The following COL11A2 variants were observed in gnomAD, a reference collection of about 807,000 sequenced individuals.
COL11A2 encodes collagen alpha-2(XI) chain.
COL11A2 carries 116 observed loss-of-function variants against 273.4 expected under a neutral mutation model. That is an observed-to-expected ratio of 0.42 (90% CI 0.36 to 0.49). The LOEUF (loss-of-function observed/expected upper bound fraction) is 0.49, where lower values mean the gene tolerates loss of function less well. Among genes scored for constraint, COL11A2 ranks in the 20% least tolerant of loss-of-function variants. COL11A2 has a pLI of 0.00. For missense variants in COL11A2, 1,866 were observed against 2,309.0 expected (o/e 0.81, Z 3.93); for synonymous variants, 782 against 864.2 (o/e 0.90, Z 1.67).
At position 33,177,161 on chromosome 6, in the gene COL11A2, C is replaced by T; in HGVS notation, c.2016+20G>A. ...TCCCCACTCTAAACCCCCTGTCCTC[C>T]AAATCACTTAGTCACTTACCTTCTC... is the stretch of plus-strand genomic sequence containing the variant. On this transcript the variant is annotated intron_variant, in intron 24 of 65. Transcript: ENST00000341947. This position sits in a 1 kb window ranked among gnomAD's most constrained non-coding sequence, Gnocchi z 5.9. 6.2e-7 allele frequency: 1 copy of T among 1,613,000 alleles called. No homozygotes were observed. Among genetic ancestry groups the T allele is most frequent in the Middle Eastern group, 1.6e-4 (1 of 6,062 alleles).
At chr6:33,185,799 T>C in intron 5 of COL11A2, 21 bp from the exon 6 acceptor site, 1 of 974,822 alleles carries the variant, frequency 1.0e-6, no homozygotes, top group African/African-American at 1.9e-5. Flanking sequence ...GGGGTGGGCA[T>C]AGACAGGAAG....
chr6:33,165,057 C>G lies in COL11A2; in HGVS notation c.4751-93G>C. On this transcript the variant is annotated intron_variant, in intron 63 of 65. Transcript: ENST00000341947. This position sits in a 1 kb window ranked among gnomAD's most constrained non-coding sequence, Gnocchi z 7.7. ...ACATTCCCTCTTCCCTCCCAGCCCT[C>G]CCCATCATGCTCTTAGTCTCCTGGT... 3 of 932,368 alleles carry G rather than the reference C, an allele frequency of 3.2e-6. No homozygotes were observed. In the South Asian group the frequency reaches 4.4e-5, roughly 14 times the overall value. 57.8% of individuals were successfully genotyped at this position (932,368 alleles called of 1,614,324 possible).
At chr6:33,172,448 C>A (rs1272465742) in intron 39 of COL11A2, 70 bp from the exon 40 acceptor site, 27 of 1,555,810 alleles carry the variant, frequency 1.7e-5, no homozygotes, top group East Asian at 2.3e-5. Flanking sequence ...TCCAGCCCCC[C>A]CTCAAATCTC....
rs1768750170 is a variant in COL11A2, at chr6:33,164,279, T to C, written c.5058A>G (p.Arg1686=). 1.9e-6 allele frequency: 3 copies of C among 1,612,922 alleles called. No homozygotes were observed. Among genetic ancestry groups the C allele is most frequent in the Non-Finnish European group, 2.5e-6 (3 of 1,179,986 alleles). Residue 1686 remains arginine, a synonymous_variant, in exon 65 of 66, where the codon AGA becomes AGG. Coordinates refer to ENST00000341947, the MANE Select transcript of COL11A2 (RefSeq NM_080680.3). The surrounding 1 kb of genome is among the most constrained non-coding windows in gnomAD (Gnocchi z 4.7). Reference sequence around the variant, plus strand: ...TTCCTGTTCCCACCTGGCAGCCATCTCTGAATTCTTTGACATAGGGGCTAG... The same window carrying C: ...TTCCTGTTCCCACCTGGCAGCCATCCCTGAATTCTTTGACATAGGGGCTAG... The part of the protein sequence containing the change: ...PETSPYVKEF[R]DGCQTQQGRT...
At position 33,173,559 on chromosome 6, in the gene COL11A2, G is replaced by C; in HGVS notation, c.2629-4C>G. Reference sequence around the variant, plus strand: ...GACCCTGAGGTCCAGGGAGGCCCTAGAGACAGAGGTGGGGGGAGTCAGGAG... The same window carrying C: ...GACCCTGAGGTCCAGGGAGGCCCTACAGACAGAGGTGGGGGGAGTCAGGAG... On this transcript the variant is annotated splice_region_variant and splice_polypyrimidine_tract_variant and intron_variant, in intron 35 of 65. Transcript: ENST00000341947. This position sits in a 1 kb window ranked among gnomAD's most constrained non-coding sequence, Gnocchi z 6.3. 7.0e-7 allele frequency: 1 copy of C among 1,428,948 alleles called. No individual in the cohort carries two copies. Among genetic ancestry groups the C allele is most frequent in the Non-Finnish European group, 9.4e-7 (1 of 1,063,574 alleles). 88.5% of individuals were successfully genotyped at this position (1,428,948 alleles called of 1,614,324 possible).
In COL11A2 at chr6:33,170,566, C is replaced by G; in HGVS notation, c.3519G>C (p.Val1173=). 1 of 1,612,326 alleles carries G rather than the reference C, an allele frequency of 6.2e-7. No homozygotes were observed. The highest frequency in any genetic ancestry group is 8.5e-7 in the Non-Finnish European group (1 of 1,179,820). The change falls in exon 47 of 66, where the codon GTG becomes GTC. Residue 1173 remains valine (V), a synonymous_variant. Transcript: ENST00000341947. The surrounding 1 kb of genome is among the most constrained non-coding windows in gnomAD (Gnocchi z 4.3). ...TAGGGGTCACACTCACCATAGGACC[C>G]ACATCTCCTGTTTCTCCCTTCTCCC... The part of the protein sequence containing the change: ...PSGEKGETGD[V]GPMGPPGPPG...
At chr6:33,171,051 GA>G in intron 45 of COL11A2, 62 bp downstream of exon 45, 1 of 1,574,220 alleles carries the variant, frequency 6.4e-7, no homozygotes, top group South Asian at 1.1e-5. Flanking sequence ...CACAAGGGCA[GA>G]GGGGAGCTGA....
rs528982644 is a variant in COL11A2, at chr6:33,171,543, C to T, written c.3182G>A (p.Arg1061Gln). The T allele has an allele frequency of 8.1e-6, 13 of 1,614,022 alleles. No homozygotes were observed. The African/African-American group carries it at 9.3e-5, about 12-fold the overall frequency. The change falls in exon 43 of 66, where the codon CGA (arginine) becomes CAA (glutamine). Residue 1061 changes from arginine to glutamine, a missense_variant. Arg to Gln is a conservative substitution (Grantham distance 43, BLOSUM62 1). Transcript: ENST00000341947. Reference sequence around the variant, plus strand: ...CCCCACAGGACCCTGCACTCCATCTCGGCCAGTCGGGCCAATGGGGCCCTT... The same window carrying T: ...CCCCACAGGACCCTGCACTCCATCTTGGCCAGTCGGGCCAATGGGGCCCTT... ...GEKGPIGPTG[R>Q]DGVQGPVGLP...
At chr6:33,192,713 G>C (rs1461941985), upstream of COL11A2, among the ~76,000 whole-genome samples, 1 of 151,610 alleles carries the variant, frequency 6.6e-6, no homozygotes, top group Non-Finnish European at 1.5e-5. Flanking sequence ...CCTTTTCTAG[G>C]ACCCAAACGT....
At chr6:33,187,567 A>G (rs1001105186) in intron 4 of COL11A2, among the ~76,000 whole-genome samples, 2 of 152,118 alleles carry the variant, frequency 1.3e-5, no homozygotes, top group Non-Finnish European at 2.9e-5. Flanking sequence ...ACATGCATTA[A>G]TGAATGGGAG....
rs1156607610 is a variant in COL11A2, at chr6:33,167,913, C to T, written c.3961-61G>A. The T allele has an allele frequency of 6.3e-7, 1 of 1,582,704 alleles. No homozygotes were observed. The highest frequency in any genetic ancestry group is 8.6e-7 in the Non-Finnish European group (1 of 1,156,478). On this transcript the variant is annotated intron_variant, in intron 54 of 65. Coordinates refer to ENST00000341947, the MANE Select transcript of COL11A2 (RefSeq NM_080680.3). This position sits in a 1 kb window ranked among gnomAD's most constrained non-coding sequence, Gnocchi z 6.1. ...CGTGGGCAGCCAGGCTCAACTCTTC[C>T]CCCTTCCTGTCCTAGACACACACAT...
intron 31 of COL11A2, 98 bp downstream of exon 31, chr6:33,174,429 C>A: frequency 2.7e-6 from 4 of 1,498,808 alleles, no homozygotes; most frequent in Non-Finnish European, 2.7e-6. Context: ...CTCTGGGGTC[C>A]CCCACTGCCC....
intron 6 of COL11A2, among the ~76,000 whole-genome samples, 188 bp from the exon 7 acceptor site, chr6:33,185,242 C>T (rs952258822): frequency 1.3e-5 from 2 of 152,162 alleles, no homozygotes; most frequent in East Asian, 1.9e-4. Flanking sequence ...CCTCCAAGGT[C>T]ATAGAGGTTT....
intron 54 of COL11A2, 44 bp downstream of exon 54, chr6:33,168,475 C>T (rs1418453563): frequency 6.2e-7 from 1 of 1,609,930 alleles, no homozygotes; most frequent in Non-Finnish European, 8.5e-7. Flanking sequence ...ACCCACACAG[C>T]CCAGGGACTG....
In COL11A2 at chr6:33,179,805, A is replaced by G. The variant is rs2150582563; in HGVS notation, c.1360T>C (p.Phe454Leu). ...TCACCCCCACCACTGCCAAACCGGA[A>G]CTGAGGTCAAGGAGAGAAGGTCCAG... ...GPPGTSLMLP[F>L]RFGSGGGDKG... Residue 454 changes from phenylalanine (F) to leucine (L), a missense_variant and splice_region_variant, in exon 13 of 66, where the codon TTC (phenylalanine) becomes CTC (leucine). Phe to Leu is a conservative substitution (Grantham distance 22). Coordinates refer to ENST00000341947, the MANE Select transcript of COL11A2 (RefSeq NM_080680.3). This position sits in a 1 kb window ranked among gnomAD's most constrained non-coding sequence, Gnocchi z 6.4. 1.9e-6 allele frequency: 3 copies of G among 1,610,804 alleles called. No homozygotes were observed. Among genetic ancestry groups the G allele is most frequent in the Non-Finnish European group, 2.5e-6 (3 of 1,179,890 alleles).
intron 8 of COL11A2, among the ~76,000 whole-genome samples, chr6:33,183,248 G>T (rs1431287693): frequency 6.6e-6 from 1 of 152,188 alleles, no homozygotes; most frequent in Non-Finnish European, 1.5e-5. Context: ...AATTAAACAT[G>T]GCCAACATGG....
At chr6:33,181,056 C>A in intron 9 of COL11A2, 51 bp from the exon 10 acceptor site, 1 of 1,614,124 alleles carries the variant, frequency 6.2e-7, no homozygotes, top group Admixed American at 1.7e-5. Flanking sequence ...GCACACTCAA[C>A]CCCACTTGCT....
At position 33,179,600 on chromosome 6, in the gene COL11A2, TC is replaced by T; in HGVS notation, c.1447-114del. 1 of 1,449,898 alleles carries T rather than the reference TC, an allele frequency of 6.9e-7. No individual in the cohort carries two copies. Among genetic ancestry groups the T allele is most frequent in the Non-Finnish European group, 9.5e-7 (1 of 1,055,188 alleles). The allele number at this position is 1,449,898 out of a possible 1,614,324, so 89.8% of individuals were successfully genotyped here. A position where few individuals can be genotyped will look rare whatever the true frequency, so the allele number is the denominator to read the frequency against. The stretch of plus-strand genomic sequence containing the variant: ...GATCCTCATCCACTGCCCAGGATTC[TC>T]CCCAACCTCCCTGTTAACCCCAAAC... On this transcript the variant is annotated intron_variant, in intron 13 of 65. Coordinates refer to ENST00000341947, the MANE Select transcript of COL11A2 (RefSeq NM_080680.3). This position sits in a 1 kb window ranked among gnomAD's most constrained non-coding sequence, Gnocchi z 6.4.
In COL11A2 at chr6:33,172,087, T is replaced by C. The variant is rs1770172771; in HGVS notation, c.3005A>G (p.Lys1002Arg). The change falls in exon 41 of 66, where the codon AAG becomes AGG. Residue 1002 changes from lysine (K) to arginine (R), a missense_variant. Physicochemically the swap from Lys to Arg is conservative, Grantham distance 26. Coordinates refer to ENST00000341947, the MANE Select transcript of COL11A2 (RefSeq NM_080680.3). Reference protein sequence around the residue: ...LPGTAGGPGLKGNEGPSGPPG... With the variant: ...LPGTAGGPGLRGNEGPSGPPG... ...GGGGCCAGACGGACCTTCATTCCCC[T>C]TCAAACCAGGTCCACCCTATGAACC... 6.2e-7 allele frequency: 1 copy of C among 1,612,734 alleles called. No homozygotes were observed. Among genetic ancestry groups the C allele is most frequent in the Non-Finnish European group, 8.5e-7 (1 of 1,179,946 alleles).
Sources: gnomAD v4.1 joint callset for allele counts (sites outside exome capture counted in the v4.1 genomes callset) on GRCh38, gnomAD v4.1.1 for gene constraint, Gnocchi (gnomAD v3.1) non-coding constraint, MANE v1.5 for transcripts, NCBI Gene and HGNC (gene_info 2026-07-23, HGNC 2026-07-21) for gene names.